NEBL: variants seen among roughly 807,000 people sequenced by gnomAD.
The protein encoded by NEBL is nebulette.
Under a neutral mutation model 140.2 loss-of-function variants are expected in NEBL, and 122 were observed. The observed-to-expected ratio is 0.87, with a 90% CI of 0.75 to 1.01. The LOEUF is 1.01. Ranked by LOEUF, NEBL falls within the 50% of genes least tolerant of loss-of-function variation. The probability of loss-of-function intolerance (pLI) is 0.00; values close to 1 mark genes in which losing one functional copy is unlikely to be tolerated. For missense variants in NEBL, 1,365 were observed against 1,231.3 expected (o/e 1.11, Z -1.62); for synonymous variants, 436 against 398.9 (o/e 1.09, Z -1.11).
At chr10:21,134,896 T>C (rs912687197) in intron 2 of NEBL, among the ~76,000 whole-genome samples, 1 of 152,228 alleles carries the variant, frequency 6.6e-6, no homozygotes, top group African/African-American at 2.4e-5. Flanking sequence ...AGAATTTCTC[T>C]TATGAATTCC....
In NEBL at chr10:20,817,646, G is replaced by T. The variant is rs745405860; in HGVS notation, c.2102C>A (p.Pro701Gln). 6.2e-7 allele frequency: 1 copy of T among 1,613,908 alleles called. No homozygotes were observed. The highest frequency in any genetic ancestry group is 8.5e-7 in the Non-Finnish European group (1 of 1,179,872). Residue 701 changes from proline (P) to glutamine (Q), a missense_variant, in exon 21 of 28, where the codon CCA becomes CAA. Physicochemically the swap from Pro to Gln is moderately conservative, Grantham distance 76. Transcript: ENST00000377122. ...TTCTTTTGCCCTCTTCAGCTCTGGT[G>T]GATCAGAAATTGCAGTTCCCCGTTG... ...ELQRGTAISD[P>Q]PELKRAKENQ...
chr10:20,835,723 A>G, intron 13 of NEBL, 100 bp from the exon 14 acceptor site: 2 of 857,348 alleles, frequency 2.3e-6, no homozygotes, highest in Non-Finnish European at 4.0e-6. Context: ...ATATTTTACA[A>G]AAGAGGTAAC....
intron 2 of NEBL, among the ~76,000 whole-genome samples, chr10:21,125,521 G>T (rs1034701134): frequency 1.3e-5 from 2 of 152,160 alleles, no homozygotes; most frequent in Admixed American, 1.3e-4. Context: ...GCTAAATAAA[G>T]CCTCAAAGTA....
At chr10:20,808,221 C>T (rs1241046705) in intron 26 of NEBL, among the ~76,000 whole-genome samples, 2 of 151,990 alleles carry the variant, frequency 1.3e-5, no homozygotes, top group Non-Finnish European at 2.9e-5. Context: ...CATATAACTC[C>T]TGTGAAACAG....
intron 3 of NEBL, among the ~76,000 whole-genome samples, chr10:21,191,275 C>G (rs959848288): frequency 6.6e-6 from 1 of 152,186 alleles, no homozygotes; most frequent in Non-Finnish European, 1.5e-5. Context: ...CATGCATTGA[C>G]TATGCCTCAC....
intron 2 of NEBL, among the ~76,000 whole-genome samples, chr10:21,095,030 C>A (rs1837118482): frequency 6.6e-6 from 1 of 152,188 alleles, no homozygotes; most frequent in Non-Finnish European, 1.5e-5. Context: ...CACCACTAAG[C>A]ATTATGATCT....
At chr10:20,866,477 A>C (rs1234702638) in intron 7 of NEBL, among the ~76,000 whole-genome samples, 1 of 152,200 alleles carries the variant, frequency 6.6e-6, no homozygotes, top group Admixed American at 6.6e-5. Context: ...ACTCAAAATC[A>C]ATACACATTG....
rs1204489330 is a variant in NEBL at position 20,819,461 on chromosome 10, A to G, written c.2018T>C (p.Ile673Thr). 8 of 1,613,858 alleles carry G rather than the reference A, an allele frequency of 5.0e-6. No individual in the cohort carries two copies. Among genetic ancestry groups the G allele is most frequent in the African/African-American group, 1.3e-5 (1 of 74,890 alleles). Residue 673 changes from isoleucine to threonine, a missense_variant, in exon 20 of 28, where the codon ATA becomes ACA. Physicochemically the swap from Ile to Thr is moderately conservative, Grantham distance 89. Coordinates refer to ENST00000377122, the MANE Select transcript of NEBL (RefSeq NM_006393.3). ...KATPVSMTPE[I>T]ERVRRNQEQL... ...CTCCTGGTTTCGCCTCACTCTCTCT[A>G]TCTCCGGGGTCATGCTTACCGGAGT...
chr10:21,190,684 T>C (rs1250323632), intron 3 of NEBL, among the ~76,000 whole-genome samples: 2 of 152,204 alleles, frequency 1.3e-5, no homozygotes, highest in Non-Finnish European at 2.9e-5. Context: ...ATTTAAAGGA[T>C]CATTAAGAAT....
intron 2 of NEBL, among the ~76,000 whole-genome samples, chr10:20,895,549 A>G (rs1483809593): frequency 6.6e-6 from 1 of 152,198 alleles, no homozygotes; most frequent in Non-Finnish European, 1.5e-5. Context: ...CACAATAGTC[A>G]CTAAATCTTA....
chr10:21,007,122 C>A (rs1453017920), intron 3 of NEBL, among the ~76,000 whole-genome samples: 2 of 151,480 alleles, frequency 1.3e-5, no homozygotes, highest in Non-Finnish European at 2.9e-5. Context: ...AAAAAAAAAA[C>A]TGTTCACAGA....
chr10:20,782,361 G>C lies in NEBL; in HGVS notation c.*3386C>G, dbSNP rs1024097822. The stretch of plus-strand genomic sequence containing the variant: ...TTTTATCCACTTTCTATAGGGATGT[G>C]TTATTAAAGATCACACACATTTTCT... On this transcript the variant is annotated 3_prime_UTR_variant, in exon 28 of 28. Coordinates refer to ENST00000377122, the MANE Select transcript of NEBL (RefSeq NM_006393.3). 1.3e-5 allele frequency: 2 copies of C among 152,576 alleles called. No homozygotes were observed. Among genetic ancestry groups the C allele is most frequent in the African/African-American group, 4.8e-5 (2 of 41,426 alleles). The allele number at this position is 152,576 out of a possible 1,614,324, so 9.5% of individuals were successfully genotyped here.
At chr10:21,266,454 G>A (rs777736873) in intron 1 of NEBL, among the ~76,000 whole-genome samples, 5 of 152,104 alleles carry the variant, frequency 3.3e-5, no homozygotes, top group African/African-American at 7.2e-5. Flanking sequence ...CATTACTCAC[G>A]GTAGTTAACG....
rs771666593 is a variant in NEBL, at chr10:20,828,522, C to T, written c.1776+8G>A. The T allele has an allele frequency of 1.9e-6, 3 of 1,540,144 alleles. No homozygotes were observed. The highest frequency in any genetic ancestry group is 2.7e-6 in the Non-Finnish European group (3 of 1,113,352). On this transcript the variant is annotated splice_region_variant and intron_variant, in intron 17 of 27. Transcript: ENST00000377122. ...GGTGGCAACTTAAAAGAAGTAATGG[C>T]TACTCACCGCACTAATGTTTTGTTG...
At chr10:21,005,741 A>T (rs2131727078) in intron 3 of NEBL, among the ~76,000 whole-genome samples, 1 of 152,182 alleles carries the variant, frequency 6.6e-6, no homozygotes, top group East Asian at 1.9e-4. Context: ...AAACAATAAT[A>T]ATAATAAATT....
chr10:21,012,423 G>A (rs1193560136), intron 3 of NEBL, among the ~76,000 whole-genome samples: 1 of 152,130 alleles, frequency 6.6e-6, no homozygotes, highest in African/African-American at 2.4e-5. Flanking sequence ...GCAGTGGCAT[G>A]ATCACAGCTC....
intron 5 of NEBL, among the ~76,000 whole-genome samples, chr10:20,874,893 C>T (rs993426605): frequency 6.6e-6 from 1 of 152,008 alleles, no homozygotes; most frequent in African/African-American, 2.4e-5. Context: ...GTGAACACCA[C>T]CACACCCAGA....
At chr10:21,060,167 G>A (rs1835211054) in intron 2 of NEBL, among the ~76,000 whole-genome samples, 2 of 152,276 alleles carry the variant, frequency 1.3e-5, no homozygotes, top group South Asian at 4.1e-4. Flanking sequence ...AGAAGTTATA[G>A]TTTAAAGAGA....
At chr10:21,214,566 ACACACACG>A (rs1368024186) in intron 3 of NEBL, among the ~76,000 whole-genome samples, 1 of 150,344 alleles carries the variant, frequency 6.7e-6, no homozygotes, top group Non-Finnish European at 1.5e-5. Context: ...TGCACACATT[ACACACACG>A]CACACATGCA....
Sources: allele counts gnomAD v4.1 joint callset (sites outside exome capture counted in the v4.1 genomes callset), GRCh38; gene constraint gnomAD v4.1.1; transcripts MANE v1.5; gene names NCBI Gene and HGNC (gene_info 2026-07-23, HGNC 2026-07-21).